CCN6: variants seen among roughly 807,000 people sequenced by gnomAD.
The protein encoded by CCN6 is cellular communication network factor 6.
Under a neutral mutation model 37.4 loss-of-function variants are expected in CCN6, and 31 were observed. That is an observed-to-expected ratio of 0.83 (90% confidence interval 0.62 to 1.12). CCN6 has a LOEUF of 1.12. CCN6 is among the 50% of genes most tolerant of loss of function. The pLI is 0.00. For missense variants in CCN6, 369 were observed against 413.8 expected, an observed-to-expected ratio of 0.89 and a Z score of 0.94; for synonymous variants, 137 against 142.1, an observed-to-expected ratio of 0.96 and a Z score of 0.26.
rs116302336 is a variant in CCN6, at chr6:112,060,340, T to C, written c.49-651T>C. Among the ~76,000 whole-genome samples, 710 of 152,286 alleles carry C rather than the reference T, an allele frequency of 4.7e-3. 7 individuals carry two copies. The highest frequency in any genetic ancestry group is 0.016 in the African/African-American group (673 of 41,550). On this transcript the variant is annotated intron_variant, in intron 1 of 4. Transcript: ENST00000368666. ...TGAACAATGATGACTTGGATTATGA[T>C]GGTAACAGAGAAGGTATCAATAAAT...
intron 1 of CCN6, among the ~76,000 whole-genome samples, chr6:112,057,934 G>T (rs1776396202): frequency 6.6e-6 from 1 of 152,160 alleles, no homozygotes; most frequent in African/African-American, 2.4e-5. Flanking sequence ...AGAGTTAAAT[G>T]CCTTAGAGAG....
At chr6:112,055,582 T>C (rs1472576812) in intron 1 of CCN6, among the ~76,000 whole-genome samples, 2 of 151,112 alleles carry the variant, frequency 1.3e-5, no homozygotes, top group Non-Finnish European at 2.9e-5. Context: ...CTGGGTGCTT[T>C]ATTTATTTAT....
At chr6:112,057,226 G>A (rs1214412697) in intron 1 of CCN6, among the ~76,000 whole-genome samples, 1 of 152,196 alleles carries the variant, frequency 6.6e-6, no homozygotes, top group Non-Finnish European at 1.5e-5. Context: ...GAGGTAGGCA[G>A]GAGAGGGCTT....
rs17073276 is a variant in CCN6, at chr6:112,068,074, G to A, written c.590-131G>A. On this transcript the variant is annotated intron_variant, in intron 3 of 4. Coordinates refer to ENST00000368666, the MANE Select transcript of CCN6 (RefSeq NM_198239.2). ...AGATAGAGTGATAAATTAGACCATCGGCTTCTTTTATTCTGAGTTATATTA... is the reference window on the plus strand; with the variant it reads ...AGATAGAGTGATAAATTAGACCATCAGCTTCTTTTATTCTGAGTTATATTA... 4,574 of 754,182 alleles carry A rather than the reference G, an allele frequency of 6.1e-3. 170 individuals carry two copies. The African/African-American group carries it at 0.076, about 12-fold the overall frequency. The allele number at this position is 754,182 out of a possible 1,614,324, so 46.7% of individuals were successfully genotyped here. A position where few individuals can be genotyped will look rare whatever the true frequency, so the allele number is the denominator to read the frequency against.
chr6:112,059,125 C>T (rs587742703), intron 1 of CCN6, among the ~76,000 whole-genome samples: 3 of 152,272 alleles, frequency 2.0e-5, no homozygotes, highest in East Asian at 3.9e-4. Flanking sequence ...GTGTTGAGAG[C>T]TTAGGCTCTG....
chr6:112,066,627 T>C (rs1190843318), intron 3 of CCN6, among the ~76,000 whole-genome samples: 1 of 152,234 alleles, frequency 6.6e-6, no homozygotes, highest in Non-Finnish European at 1.5e-5. Flanking sequence ...TGCTTAACTG[T>C]GAAATTATAT....
chr6:112,055,933 CA>C (rs1776336125), intron 1 of CCN6, among the ~76,000 whole-genome samples: 1 of 152,132 alleles, frequency 6.6e-6, no homozygotes, highest in Non-Finnish European at 1.5e-5. Context: ...AACAACTTTA[CA>C]AGGTGGTCAT....
intron 1 of CCN6, among the ~76,000 whole-genome samples, chr6:112,058,037 C>CT (rs1776399333): frequency 1.3e-5 from 2 of 152,196 alleles, no homozygotes; most frequent in South Asian, 2.1e-4. Context: ...GTGGCTATAG[C>CT]TGAACCTGTG....
chr6:112,053,026 A>C (rs1776252398), upstream of CCN6, among the ~76,000 whole-genome samples: 1 of 152,200 alleles, frequency 6.6e-6, no homozygotes, highest in Non-Finnish European at 1.5e-5. Flanking sequence ...AGGATAGGTA[A>C]GGCAGCAGGA....
chr6:112,063,800 T>TAGCTC (rs1482438371), intron 2 of CCN6, among the ~76,000 whole-genome samples: 3 of 152,192 alleles, frequency 2.0e-5, no homozygotes, highest in African/African-American at 4.8e-5. Flanking sequence ...AAAAAGTGGT[T>TAGCTC]AGCTCAGCTC....
chr6:112,069,490 TG>T lies in CCN6; in HGVS notation c.936del (p.Met312IlefsTer58). 1 of 1,613,804 alleles carries T rather than the reference TG, an allele frequency of 6.2e-7. No individual in the cohort carries two copies. The highest frequency in any genetic ancestry group is 8.5e-7 in the Non-Finnish European group (1 of 1,179,852). Reference sequence around the variant, plus strand: ...TGCTGTATCCCTAATAAGTCTAAAATGATTACTATTCAATTTGATTGCCCAA... The same window carrying T: ...TGCTGTATCCCTAATAAGTCTAAAATATTACTATTCAATTTGATTGCCCAA... The part of the protein sequence containing the change: ...KRCCIPNKSK[M>X]ITIQFDCPNE... On this transcript the variant is annotated frameshift_variant, in exon 5 of 5. Coordinates refer to ENST00000368666, the MANE Select transcript of CCN6 (RefSeq NM_198239.2). LOFTEE classifies it high-confidence loss of function.
At chr6:112,060,861 C>A in intron 1 of CCN6, 130 bp from the exon 2 acceptor site, 1 of 1,066,178 alleles carries the variant, frequency 9.4e-7, no homozygotes, top group Non-Finnish European at 1.4e-6. Context: ...GTGTCAAATG[C>A]TGATAGGTGT....
intron 3 of CCN6, among the ~76,000 whole-genome samples, chr6:112,065,422 G>T (rs1171669785): frequency 2.0e-5 from 3 of 152,090 alleles, no homozygotes; most frequent in Admixed American, 2.0e-4. Context: ...GATACAGGCA[G>T]AAATGGGAGG....
At chr6:112,065,572 AC>A (rs1327994373) in intron 3 of CCN6, among the ~76,000 whole-genome samples, 2 of 140,386 alleles carry the variant, frequency 1.4e-5, no homozygotes, top group Admixed American at 7.3e-5. Context: ...AAACACACAC[AC>A]ACAAACACAC....
rs1407840504 is a variant in CCN6 at position 112,054,282 on chromosome 6, G to C, written c.-76G>C. The stretch of plus-strand genomic sequence containing the variant: ...GCGTGGGGTTTGCAGAGGAGACAGG[G>C]GAGCTTTGTGTACCCGGAGCAATGA... On this transcript the variant is annotated 5_prime_UTR_variant, in exon 1 of 5. Coordinates refer to ENST00000368666, the MANE Select transcript of CCN6 (RefSeq NM_198239.2). 5 of 1,611,102 alleles carry C rather than the reference G, an allele frequency of 3.1e-6. No homozygotes were observed. The highest frequency in any genetic ancestry group is 4.2e-6 in the Non-Finnish European group (5 of 1,177,592).
At chr6:112,054,101 C>A (rs1319512664), upstream of CCN6, 3 of 643,536 alleles carry the variant, frequency 4.7e-6, no homozygotes, top group African/African-American at 1.8e-5. Context: ...AAAGTGCTCG[C>A]CCATTCCTGA....
intron 1 of CCN6, among the ~76,000 whole-genome samples, chr6:112,059,332 A>C (rs1776439204): frequency 6.6e-6 from 1 of 152,228 alleles, no homozygotes; most frequent in African/African-American, 2.4e-5. Flanking sequence ...CTGATGTCCA[A>C]AAATGGGTCT....
intron 2 of CCN6, 26 bp from the exon 3 acceptor site, chr6:112,064,729 G>A: frequency 6.2e-7 from 1 of 1,613,774 alleles, no homozygotes. Context: ...GGCTTCTTTG[G>A]CAATTTTGCT....
At chr6:112,053,890 A>G (rs1776270093), upstream of CCN6, among the ~76,000 whole-genome samples, 1 of 151,844 alleles carries the variant, frequency 6.6e-6, no homozygotes, top group Non-Finnish European at 1.5e-5. Context: ...TGCACTCTGT[A>G]CGTGAGGGTG....
Sources: allele counts gnomAD v4.1 joint callset (sites outside exome capture counted in the v4.1 genomes callset), GRCh38; gene constraint gnomAD v4.1.1; transcripts MANE v1.5; gene names NCBI Gene and HGNC (gene_info 2026-07-23, HGNC 2026-07-21).